The following MUSK variants were observed in gnomAD, a reference collection of about 807,000 sequenced individuals.
MUSK encodes muscle, skeletal receptor tyrosine-protein kinase.
In MUSK, 55 loss-of-function variants were observed where a neutral mutation model predicts 88.7. The ratio of observed to expected loss-of-function variants is 0.62; its 90% CI spans 0.50 to 0.78. MUSK has a LOEUF of 0.78. Among genes scored for constraint, MUSK ranks in the 30% least tolerant of loss-of-function variants. The pLI, the probability that MUSK is intolerant of heterozygous loss-of-function variation, is 0.00. For missense variants in MUSK, 1,015 were observed against 1,074.3 expected (o/e 0.94, Z 0.77); for synonymous variants, 387 against 391.9 (o/e 0.99, Z 0.15).
chr9:110,689,327 T>C (rs1191267908), intron 3 of MUSK, among the ~76,000 whole-genome samples: 2 of 117,402 alleles, frequency 1.7e-5, no homozygotes, highest in South Asian at 5.0e-4. Flanking sequence ...ATATTAAATA[T>C]ATATTTAAAT....
intron 12 of MUSK, 43 bp from the exon 13 acceptor site, chr9:110,785,484 C>T: frequency 6.7e-7 from 1 of 1,486,080 alleles, no homozygotes; most frequent in Non-Finnish European, 9.1e-7. Context: ...AAGATCTAAC[C>T]TGCTTCTGAG....
At chr9:110,689,481 TAAAA>T (rs1564217179) in intron 3 of MUSK, among the ~76,000 whole-genome samples, 4 of 107,504 alleles carry the variant, frequency 3.7e-5, no homozygotes, top group African/African-American at 8.8e-5. Context: ...GTAAAAAATA[TAAAA>T]ATATGTAAAA....
intron 1 of MUSK, among the ~76,000 whole-genome samples, chr9:110,672,339 G>A (rs1271963275): frequency 6.6e-6 from 1 of 152,152 alleles, no homozygotes; most frequent in Admixed American, 6.5e-5. Context: ...AAGATGAGAG[G>A]ATCACATGGG....
At chr9:110,733,481 A>G (rs1012175570) in intron 5 of MUSK, among the ~76,000 whole-genome samples, 2 of 152,088 alleles carry the variant, frequency 1.3e-5, no homozygotes, top group African/African-American at 2.4e-5. Flanking sequence ...TCCTACATCA[A>G]AATAACCTCC....
intron 8 of MUSK, 173 bp from the exon 9 acceptor site, chr9:110,767,647 T>C (rs2077504501): frequency 5.6e-6 from 4 of 709,620 alleles, no homozygotes; most frequent in Admixed American, 4.6e-5. Context: ...AGAGATGATA[T>C]AATTGCAGCT....
chr9:110,704,217 G>T (rs1284307315), intron 5 of MUSK, among the ~76,000 whole-genome samples: 1 of 152,222 alleles, frequency 6.6e-6, no homozygotes, highest in Admixed American at 6.5e-5. Context: ...AAGTTACTTA[G>T]TAAAAAGTTG....
At chr9:110,701,967 C>G (rs1041649222) in intron 5 of MUSK, among the ~76,000 whole-genome samples, 1 of 147,040 alleles carries the variant, frequency 6.8e-6, no homozygotes, top group Non-Finnish European at 1.5e-5. Context: ...AGGCTGGTCT[C>G]AAACTCCTCA....
chr9:110,698,577 G>A (rs1266987572), intron 5 of MUSK, among the ~76,000 whole-genome samples: 1 of 151,874 alleles, frequency 6.6e-6, no homozygotes, highest in Non-Finnish European at 1.5e-5. Context: ...TTTCCTTGAT[G>A]GACATTCCTG....
Position 110,755,979 on chromosome 9 carries a change from C to CATATATATATACATATATATATACAT in MUSK, c.914-6212_914-6211insCATATATATATACATATATATATATA, listed in dbSNP as rs2077316103. Among the ~76,000 whole-genome samples the CATATATATATACATATATATATACAT allele has an allele frequency of 4.9e-4, 50 of 102,516 alleles. 2 individuals carry two copies. The highest frequency in any genetic ancestry group is 3.3e-3 in the East Asian group (8 of 2,422). 67.3% of individuals were successfully genotyped at this position (102,516 alleles called of 152,430 possible). On this transcript the variant is annotated intron_variant, in intron 7 of 14. Transcript: ENST00000374448. ...ATATATATATACATATATATATATA[C>CATATATATATACATATATATATACAT]ATATATATATATATATATGAATTTA...
intron 9 of MUSK, among the ~76,000 whole-genome samples, chr9:110,772,230 C>G (rs1334128687): frequency 6.6e-6 from 1 of 151,502 alleles, no homozygotes. Context: ...CATTTATTAA[C>G]TTTCCAGCAT....
rs548875719 is a variant in MUSK, at chr9:110,774,864, T to C, written c.1185-924T>C. On this transcript the variant is annotated intron_variant, in intron 9 of 14. Coordinates refer to ENST00000374448, the MANE Select transcript of MUSK (RefSeq NM_005592.4). ...AAAAAAGACACCATTGTGGCATATA[T>C]ATACACACACACACACACACACACA... is the stretch of plus-strand genomic sequence containing the variant. Among the ~76,000 whole-genome samples, 324 of 99,426 alleles carry C rather than the reference T, an allele frequency of 3.3e-3. 2 individuals carry two copies. Among genetic ancestry groups the C allele is most frequent in the African/African-American group, 6.9e-3 (174 of 25,104 alleles). The allele number at this position is 99,426 out of a possible 152,430, so 65.2% of individuals were successfully genotyped here.
At chr9:110,740,622 G>A (rs1341777667) in intron 6 of MUSK, among the ~76,000 whole-genome samples, 3 of 152,134 alleles carry the variant, frequency 2.0e-5, no homozygotes, top group Admixed American at 1.3e-4. Flanking sequence ...CTTAAAGCAG[G>A]AAGTTACCCT....
At chr9:110,743,504 T>G (rs951354895) in intron 6 of MUSK, among the ~76,000 whole-genome samples, 8 of 152,220 alleles carry the variant, frequency 5.3e-5, no homozygotes, top group Admixed American at 1.3e-4. Context: ...TATTTTGGCA[T>G]GCAACTAAAA....
At chr9:110,689,239 A>ATC (rs1380629857) in intron 3 of MUSK, among the ~76,000 whole-genome samples, 6 of 46,198 alleles carry the variant, frequency 1.3e-4, no homozygotes, top group African/African-American at 1.2e-3. Flanking sequence ...AAATATATAA[A>ATC]TATATAAACT....
chr9:110,712,990 T>G (rs571948105), intron 5 of MUSK, among the ~76,000 whole-genome samples: 17 of 152,086 alleles, frequency 1.1e-4, no homozygotes, highest in African/African-American at 4.1e-4. Context: ...TTCAGAGAGG[T>G]GAAGGCCAAC....
At position 110,734,318 on chromosome 9, in the gene MUSK, C is replaced by G; in HGVS notation, c.696C>G (p.His232Gln). 2 of 1,613,320 alleles carry G rather than the reference C, an allele frequency of 1.2e-6. No homozygotes were observed. Among genetic ancestry groups the G allele is most frequent in the African/African-American group, 1.3e-5 (1 of 74,982 alleles). Reference sequence around the variant, plus strand: ...CCTTTGGCTCCTTTGTGACCCTGCACTGTACAGCAACAGGCATTCCTGTCC... The same window carrying G: ...CCTTTGGCTCCTTTGTGACCCTGCAGTGTACAGCAACAGGCATTCCTGTCC... Reference protein sequence around the residue: ...NVTFGSFVTLHCTATGIPVPT... With the variant: ...NVTFGSFVTLQCTATGIPVPT... Residue 232 changes from histidine to glutamine, a missense_variant, in exon 6 of 15, where the codon CAC becomes CAG. His to Gln is a conservative substitution (Grantham distance 24, BLOSUM62 0). Transcript: ENST00000374448.
chr9:110,723,250 C>CAT (rs1250716743), intron 5 of MUSK, among the ~76,000 whole-genome samples: 1 of 151,554 alleles, frequency 6.6e-6, no homozygotes, highest in African/African-American at 2.4e-5. Context: ...CACACACACA[C>CAT]ACACACACAC....
chr9:110,695,009 T>C (rs1203543742), intron 3 of MUSK, among the ~76,000 whole-genome samples: 1 of 152,048 alleles, frequency 6.6e-6, no homozygotes, highest in Non-Finnish European at 1.5e-5. Context: ...GGTAAGAATA[T>C]AGTTATATCA....
intron 7 of MUSK, among the ~76,000 whole-genome samples, chr9:110,759,113 G>A (rs2077364123): frequency 1.3e-5 from 2 of 152,130 alleles, no homozygotes; most frequent in Non-Finnish European, 2.9e-5. Flanking sequence ...AAAACAGCAT[G>A]GTACTGGTAC....
Sources: gnomAD v4.1 joint callset for allele counts (sites outside exome capture counted in the v4.1 genomes callset) on GRCh38, gnomAD v4.1.1 for gene constraint, MANE v1.5 for transcripts, NCBI Gene and HGNC (gene_info 2026-07-23, HGNC 2026-07-21) for gene names.